Variants in GFOD1 observed in about 807,000 individuals in gnomAD.
GFOD1 encodes the protein glucose-fructose oxidoreductase domain-containing protein 1.
A neutral mutation model predicts 25.4 loss-of-function variants in GFOD1; 9 were observed. The observed-to-expected ratio is 0.35, with a 90% CI of 0.21 to 0.62. The LOEUF is 0.62. Ranked by LOEUF, GFOD1 falls within the 20% of genes least tolerant of loss-of-function variation. The pLI, the probability that GFOD1 is intolerant of heterozygous loss-of-function variation, is 0.72. For synonymous variants in GFOD1, 253 were observed against 245.6 expected, an observed-to-expected ratio of 1.03 and a Z score of -0.28; for missense variants, 403 against 556.9, an observed-to-expected ratio of 0.72 and a Z score of 2.78.
Position 13,364,305 on chromosome 6 carries a change from G to T in GFOD1, c.*438C>A. ...GGACTGTGAAAATGGGCCTTCTCCT[G>T]CCAGCAGTGGGTATCCCGGGCACTG... On this transcript the variant is annotated 3_prime_UTR_variant, in exon 2 of 2. Transcript: ENST00000379287. This position sits in a 1 kb window ranked among gnomAD's most constrained non-coding sequence, Gnocchi z 4.1. 5.7e-6 allele frequency: 1 copy of T among 175,912 alleles called. No homozygotes were observed. The highest frequency in any genetic ancestry group is 1.2e-5 in the Non-Finnish European group (1 of 82,132). The allele number at this position is 175,912 out of a possible 1,614,324, so 10.9% of individuals were successfully genotyped here.
chr6:13,393,527 TCTC>T (rs1456122005), intron 1 of GFOD1, among the ~76,000 whole-genome samples: 2 of 151,916 alleles, frequency 1.3e-5, no homozygotes, highest in African/African-American at 4.8e-5. Context: ...CCTGTAGAGC[TCTC>T]CATCACGGTA....
chr6:13,475,491 C>T (rs943727857), intron 1 of GFOD1, among the ~76,000 whole-genome samples: 5 of 150,164 alleles, frequency 3.3e-5, no homozygotes, highest in Admixed American at 2.0e-4. Context: ...AGGCAGATCA[C>T]GAGGTCAGGA....
chr6:13,476,914 G>A (rs1034998608), intron 1 of GFOD1, among the ~76,000 whole-genome samples: 2 of 151,996 alleles, frequency 1.3e-5, no homozygotes, highest in South Asian at 2.1e-4. Context: ...AGAATTGGTC[G>A]GGGTGAAGTG....
intron 1 of GFOD1, among the ~76,000 whole-genome samples, chr6:13,473,719 C>A (rs1758556213): frequency 6.6e-6 from 1 of 152,138 alleles, no homozygotes; most frequent in South Asian, 2.1e-4. Context: ...TCTTCCTTTT[C>A]AATTATTTAA....
intron 1 of GFOD1, among the ~76,000 whole-genome samples, chr6:13,409,136 A>AGAG (rs1562209367): frequency 1.8e-4 from 7 of 39,914 alleles, no homozygotes; most frequent in Admixed American, 4.8e-4. Context: ...AAAGAAAGAA[A>AGAG]GAAAGAAAGA....
At chr6:13,374,922 T>C (rs1263058077) in intron 1 of GFOD1, among the ~76,000 whole-genome samples, 3 of 151,950 alleles carry the variant, frequency 2.0e-5, no homozygotes, top group Non-Finnish European at 4.4e-5. Context: ...TTGTATTTTT[T>C]AGTAGAGACA....
At chr6:13,390,884 T>C (rs1197757593) in intron 1 of GFOD1, among the ~76,000 whole-genome samples, 2 of 152,084 alleles carry the variant, frequency 1.3e-5, no homozygotes, top group Non-Finnish European at 2.9e-5. Flanking sequence ...AGGCAATGCA[T>C]GCAAGCTACT....
rs775707679 is a variant in GFOD1 at position 13,365,361 on chromosome 6, G to T, written c.555C>A (p.Thr185=). Residue 185 remains threonine, a synonymous_variant, in exon 2 of 2, where the codon ACC becomes ACA. Transcript: ENST00000379287. This position sits in a 1 kb window ranked among gnomAD's most constrained non-coding sequence, Gnocchi z 9.2. ...SVGTYIIDLL[T]FLTGQKAVKV... ...TGACGGCCTTTTGGCCGGTGAGGAA[G>T]GTGAGCAGGTCGATGATGTAGGTGC... 6.2e-7 allele frequency: 1 copy of T among 1,614,092 alleles called. No individual in the cohort carries two copies. The highest frequency in any genetic ancestry group is 1.3e-5 in the African/African-American group (1 of 74,950).
intron 1 of GFOD1, among the ~76,000 whole-genome samples, chr6:13,418,238 A>C (rs1786194893): frequency 6.6e-6 from 1 of 152,236 alleles, no homozygotes; most frequent in Admixed American, 6.5e-5. Flanking sequence ...ATTATAAATC[A>C]TAACAAGATG....
At chr6:13,398,345 T>C (rs1313734510) in intron 1 of GFOD1, among the ~76,000 whole-genome samples, 1 of 152,230 alleles carries the variant, frequency 6.6e-6, no homozygotes, top group South Asian at 2.1e-4. Context: ...AAAATGCTGA[T>C]ACAAGACCAG....
intron 1 of GFOD1, among the ~76,000 whole-genome samples, chr6:13,374,829 G>A (rs1486881525): frequency 7.4e-6 from 1 of 135,118 alleles, no homozygotes; most frequent in Non-Finnish European, 1.5e-5. Flanking sequence ...TGCAACCTCT[G>A]CCTCCCGGGC....
intron 1 of GFOD1, among the ~76,000 whole-genome samples, chr6:13,406,640 G>A (rs1785952856): frequency 6.6e-6 from 1 of 152,166 alleles, no homozygotes; most frequent in African/African-American, 2.4e-5. Flanking sequence ...ATCTAGAGTA[G>A]CTCATCAAAC....
intron 1 of GFOD1, among the ~76,000 whole-genome samples, chr6:13,467,169 T>C (rs12191411): frequency 0.017 from 2,544 of 151,832 alleles, 33 homozygotes; most frequent in Non-Finnish European, 0.025. Context: ...ACAGCAGTCA[T>C]AATAAAACAG....
At chr6:13,397,957 A>G (rs1373166175) in intron 1 of GFOD1, among the ~76,000 whole-genome samples, 1 of 152,234 alleles carries the variant, frequency 6.6e-6, no homozygotes, top group East Asian at 1.9e-4. Context: ...TCTATCTTCC[A>G]AAGTATGCAT....
chr6:13,365,808 G>A lies in GFOD1; in HGVS notation c.254-146C>T, dbSNP rs979235848. The A allele has an allele frequency of 1.3e-5, 9 of 685,744 alleles. No individual in the cohort carries two copies. Among genetic ancestry groups the A allele is most frequent in the Non-Finnish European group, 1.9e-5 (8 of 419,102 alleles). The allele number at this position is 685,744 out of a possible 1,614,324, so 42.5% of individuals were successfully genotyped here. A position where few individuals can be genotyped will look rare whatever the true frequency, so the allele number is the denominator to read the frequency against. On this transcript the variant is annotated intron_variant, in intron 1 of 1. Transcript: ENST00000379287. The surrounding 1 kb of genome is among the most constrained non-coding windows in gnomAD (Gnocchi z 9.2). ...GCCTGTTGTCCCAGCACTTTGGGAG[G>A]CCAAGGCCGGAGGAGGCCTTGAGCC...
intron 1 of GFOD1, among the ~76,000 whole-genome samples, chr6:13,458,598 C>A (rs1758233199): frequency 6.6e-6 from 1 of 151,836 alleles, no homozygotes; most frequent in Non-Finnish European, 1.5e-5. Flanking sequence ...GACCTAAACT[C>A]TCTAAGCCCC....
chr6:13,370,273 C>A (rs1785124723), intron 1 of GFOD1, among the ~76,000 whole-genome samples: 1 of 152,198 alleles, frequency 6.6e-6, no homozygotes, highest in Admixed American at 6.5e-5. Flanking sequence ...AAGCTGTGGA[C>A]TCTCTCTCCA....
intron 1 of GFOD1, among the ~76,000 whole-genome samples, chr6:13,423,780 T>C (rs1165132105): frequency 6.6e-6 from 1 of 152,242 alleles, no homozygotes; most frequent in African/African-American, 2.4e-5. Context: ...AGTCCTTCCT[T>C]AGACATCCTT....
At chr6:13,401,332 C>A (rs531384081) in intron 1 of GFOD1, among the ~76,000 whole-genome samples, 1 of 152,074 alleles carries the variant, frequency 6.6e-6, no homozygotes, top group Admixed American at 6.5e-5. Flanking sequence ...TCCAGGATAT[C>A]TGAATCTGAG....
Sources: allele counts gnomAD v4.1 joint callset (sites outside exome capture counted in the v4.1 genomes callset), GRCh38; gene constraint gnomAD v4.1.1; non-coding constraint Gnocchi (gnomAD v3.1); transcripts MANE v1.5; gene names NCBI Gene and HGNC (gene_info 2026-07-23, HGNC 2026-07-21).